AMBRA1: variants seen among roughly 807,000 people sequenced by gnomAD.
AMBRA1 encodes autophagy and beclin 1 regulator 1, also known as activating molecule in BECN1-regulated autophagy protein 1.
In AMBRA1, 47 loss-of-function variants were observed where a neutral mutation model predicts 125.4. The ratio of observed to expected loss-of-function variants is 0.37; its 90% confidence interval spans 0.30 to 0.48. AMBRA1 has a LOEUF of 0.48. AMBRA1 is among the 20% of genes least tolerant of loss of function. AMBRA1 has a pLI of 0.99. For missense variants in AMBRA1, 1,331 were observed against 1,693.4 expected (o/e 0.79, Z 3.76); for synonymous variants, 626 against 655.5 (o/e 0.95, Z 0.69).
intron 12 of AMBRA1, among the ~76,000 whole-genome samples, chr11:46,439,253 A>G (rs1947881333): frequency 6.6e-6 from 1 of 152,222 alleles, no homozygotes; most frequent in South Asian, 2.1e-4. Flanking sequence ...CAGCCTGGGC[A>G]ACAGAGCGAG....
At chr11:46,539,186 T>C (rs1329541304) in intron 7 of AMBRA1, among the ~76,000 whole-genome samples, 3 of 152,266 alleles carry the variant, frequency 2.0e-5, no homozygotes, top group Admixed American at 2.0e-4. Context: ...AGCTCAGTTA[T>C]ACTTTTCTCT....
chr11:46,419,190 T>C (rs1946722675), intron 14 of AMBRA1, among the ~76,000 whole-genome samples: 1 of 152,202 alleles, frequency 6.6e-6, no homozygotes, highest in South Asian at 2.1e-4. Context: ...TTTCTCTTTT[T>C]CCAAGCTAAT....
intron 5 of AMBRA1, 109 bp downstream of exon 5, chr11:46,545,495 A>G: frequency 7.5e-7 from 1 of 1,336,360 alleles, no homozygotes; most frequent in South Asian, 1.4e-5. Flanking sequence ...GAGGATGACA[A>G]CTTGCCCTGA....
intron 8 of AMBRA1, 41 bp downstream of exon 8, chr11:46,512,686 C>T: frequency 1.9e-6 from 3 of 1,580,304 alleles, no homozygotes; most frequent in Admixed American, 1.7e-5. Context: ...CCAAGGGCCG[C>T]CCCTCCCCCC....
intron 7 of AMBRA1, among the ~76,000 whole-genome samples, chr11:46,531,537 C>T (rs1001172510): frequency 3.3e-5 from 5 of 151,880 alleles, no homozygotes; most frequent in African/African-American, 9.7e-5. Flanking sequence ...TGGCGAAACC[C>T]TGTCTCTACT....
At chr11:46,563,913 G>C (rs1262503417) in intron 1 of AMBRA1, among the ~76,000 whole-genome samples, 1 of 151,140 alleles carries the variant, frequency 6.6e-6, no homozygotes. Flanking sequence ...GGGAGGCTGG[G>C]GTGTGTGGAT....
intron 11 of AMBRA1, among the ~76,000 whole-genome samples, chr11:46,450,867 T>C (rs1948556096): frequency 6.6e-6 from 1 of 152,208 alleles, no homozygotes; most frequent in Non-Finnish European, 1.5e-5. Context: ...TGTAAACGCA[T>C]ACTTTGAGTG....
intron 7 of AMBRA1, among the ~76,000 whole-genome samples, chr11:46,517,592 TG>T (rs1189578326): frequency 6.9e-6 from 1 of 145,746 alleles, no homozygotes; most frequent in Non-Finnish European, 1.5e-5. Flanking sequence ...CCCAGCACTT[TG>T]GGAGGCTGAG....
chr11:46,425,981 C>T (rs546987215), intron 14 of AMBRA1, among the ~76,000 whole-genome samples: 6 of 149,900 alleles, frequency 4.0e-5, no homozygotes, highest in Non-Finnish European at 8.9e-5. Context: ...CCCGTCTCTA[C>T]TAAAAATACA....
At chr11:46,455,686 A>G (rs1043350568) in intron 11 of AMBRA1, among the ~76,000 whole-genome samples, 2 of 152,264 alleles carry the variant, frequency 1.3e-5, no homozygotes, top group Non-Finnish European at 1.5e-5. Context: ...TACAGCTTCC[A>G]TAAGAATACT....
rs1398623719 is a variant in AMBRA1 at position 46,583,652 on chromosome 11, C to CAAAAAAAAAAAAAAA, written c.-121+10161_-121+10175dup. 6.5e-3 allele frequency among the ~76,000 whole-genome samples: 82 copies of CAAAAAAAAAAAAAAA among 12,548 alleles called. 13 individuals carry two copies. The highest frequency in any genetic ancestry group is 9.2e-3 in the Non-Finnish European group (58 of 6,316). The allele number at this position is 12,548 out of a possible 152,430, so 8.2% of individuals were successfully genotyped here. A position where few individuals can be genotyped will look rare whatever the true frequency, so the allele number is the denominator to read the frequency against. On this transcript the variant is annotated intron_variant, in intron 1 of 17. Transcript: ENST00000683756. ...TCTACAATGAACTCAAACAAATTTC[C>CAAAAAAAAAAAAAAA]AAAAAAAAAAAAAAAAAAAAAAAAA...
At chr11:46,404,620 C>T (rs1465222655) in intron 17 of AMBRA1, among the ~76,000 whole-genome samples, 1 of 152,146 alleles carries the variant, frequency 6.6e-6, no homozygotes, top group East Asian at 1.9e-4. Context: ...TGCAGGCAGG[C>T]AGAAGCAGCC....
intron 1 of AMBRA1, among the ~76,000 whole-genome samples, chr11:46,582,238 T>C (rs1430555063): frequency 6.6e-6 from 1 of 152,176 alleles, no homozygotes; most frequent in African/African-American, 2.4e-5. Flanking sequence ...CTTCTTCCAG[T>C]TTCTCAAATG....
At chr11:46,443,181 C>A (rs978586836) in intron 12 of AMBRA1, among the ~76,000 whole-genome samples, 8 of 152,140 alleles carry the variant, frequency 5.3e-5, no homozygotes, top group Non-Finnish European at 8.8e-5. Flanking sequence ...TTAGGTGGAA[C>A]TGAAAAGAAG....
chr11:46,498,152 G>A (rs1476663614), intron 9 of AMBRA1, among the ~76,000 whole-genome samples: 2 of 152,194 alleles, frequency 1.3e-5, no homozygotes, highest in Non-Finnish European at 2.9e-5. Context: ...GATGAAAAGT[G>A]AGAGAAAGGC....
intron 11 of AMBRA1, among the ~76,000 whole-genome samples, chr11:46,452,772 T>C (rs1336140672): frequency 2.0e-5 from 3 of 152,214 alleles, no homozygotes; most frequent in African/African-American, 7.2e-5. Context: ...TATAGCCTGG[T>C]ACCTGGAAAA....
intron 12 of AMBRA1, among the ~76,000 whole-genome samples, chr11:46,436,081 T>C (rs1036679555): frequency 6.6e-6 from 1 of 152,208 alleles, no homozygotes; most frequent in African/African-American, 2.4e-5. Flanking sequence ...AACTTTTCAC[T>C]GTTTCTCTTA....
intron 7 of AMBRA1, among the ~76,000 whole-genome samples, chr11:46,540,051 C>T (rs1301020525): frequency 6.6e-6 from 1 of 152,128 alleles, no homozygotes; most frequent in Non-Finnish European, 1.5e-5. Context: ...AGGCTGGTCT[C>T]GAACTCCTGA....
rs151218308 is a variant in AMBRA1 at position 46,524,267 on chromosome 11, T to A, written c.2073-11454A>T. On this transcript the variant is annotated intron_variant, in intron 7 of 17. Transcript: ENST00000683756. ...GGGAGTGGAATGCCCCCCAGAAATG[T>A]GGCAATGTCTGCTGACATTTTTGGT... Among the ~76,000 whole-genome samples, 1,492 of 152,328 alleles carry A rather than the reference T, an allele frequency of 9.8e-3. 15 individuals are homozygous for A. The highest frequency in any genetic ancestry group is 0.014 in the Non-Finnish European group (971 of 68,036).
Sources: allele counts gnomAD v4.1 joint callset (sites outside exome capture counted in the v4.1 genomes callset), GRCh38; gene constraint gnomAD v4.1.1; transcripts MANE v1.5; gene names NCBI Gene and HGNC (gene_info 2026-07-23, HGNC 2026-07-21).